The following TMPRSS15 variants were observed in gnomAD, a reference collection of about 807,000 sequenced individuals.
The protein encoded by TMPRSS15 is enteropeptidase.
A neutral mutation model predicts 125.3 loss-of-function variants in TMPRSS15; 128 were observed. The ratio of observed to expected loss-of-function variants is 1.02; its 90% CI spans 0.89 to 1.18. TMPRSS15 has a LOEUF of 1.18. Ranked by LOEUF, TMPRSS15 falls within the 50% of genes most tolerant of loss-of-function variation. TMPRSS15 has a pLI of 0.00. For synonymous variants in TMPRSS15, 446 were observed against 423.2 expected (o/e 1.05, Z -0.66); for missense variants, 1,283 against 1,212.7 (o/e 1.06, Z -0.86).
At chr21:18,297,967 T>C in intron 18 of TMPRSS15, 138 bp from the exon 19 acceptor site, 4 of 631,770 alleles carry the variant, frequency 6.3e-6, no homozygotes, top group Non-Finnish European at 1.1e-5. Flanking sequence ...CGTTTTAATA[T>C]AAAACTTCAT....
chr21:18,428,125 TCTGCA>T (rs1222448923), intron 1 of TMPRSS15, among the ~76,000 whole-genome samples: 1 of 152,238 alleles, frequency 6.6e-6, no homozygotes, highest in African/African-American at 2.4e-5. Flanking sequence ...AATTAAAAAT[TCTGCA>T]AGATATGAAG....
At chr21:18,441,471 T>A (rs1161055086) in intron 1 of TMPRSS15, among the ~76,000 whole-genome samples, 1 of 150,026 alleles carries the variant, frequency 6.7e-6, no homozygotes, top group African/African-American at 2.5e-5. Flanking sequence ...CTGGGTGTGG[T>A]GGTGTGCACC....
rs941547980 is a variant in TMPRSS15, at chr21:18,343,869, C to T, written c.1277+86G>A. ...TATGCATTAAAACTTTAGCCAACAT[C>T]TTAGTGAAATATGAGCCTGGTGGCC... On this transcript the variant is annotated intron_variant, in intron 11 of 24. Coordinates refer to ENST00000284885, the MANE Select transcript of TMPRSS15 (RefSeq NM_002772.3). 82 of 1,343,368 alleles carry T rather than the reference C, an allele frequency of 6.1e-5. No homozygotes were observed. In the African/African-American group the frequency reaches 1.1e-3, roughly 18 times the overall value. 83.2% of individuals were successfully genotyped at this position (1,343,368 alleles called of 1,614,324 possible). A position where few individuals can be genotyped will look rare whatever the true frequency, so the allele number is the denominator to read the frequency against.
At chr21:18,364,582 C>A (rs546428425) in intron 7 of TMPRSS15, among the ~76,000 whole-genome samples, 53 of 152,130 alleles carry the variant, frequency 3.5e-4, no homozygotes, top group African/African-American at 1.3e-3. Context: ...CTATCAGCAG[C>A]CTAATTATTT....
chr21:18,339,081 A>G (rs1257354280), intron 13 of TMPRSS15, among the ~76,000 whole-genome samples: 1 of 151,996 alleles, frequency 6.6e-6, no homozygotes, highest in Non-Finnish European at 1.5e-5. Flanking sequence ...ATTGCTTCAA[A>G]TATTTATTTA....
intron 1 of TMPRSS15, among the ~76,000 whole-genome samples, chr21:18,421,659 CT>C (rs2076192164): frequency 6.6e-6 from 1 of 151,964 alleles, no homozygotes; most frequent in African/African-American, 2.4e-5. Flanking sequence ...ATTTCTATTC[CT>C]TTGTTTGAGG....
intron 13 of TMPRSS15, among the ~76,000 whole-genome samples, chr21:18,333,766 G>A (rs1047012257): frequency 6.6e-6 from 1 of 152,052 alleles, no homozygotes; most frequent in Admixed American, 6.6e-5. Flanking sequence ...CCAGCTCAGA[G>A]TCTGACACTT....
chr21:18,304,275 G>T (rs553165790), intron 18 of TMPRSS15, among the ~76,000 whole-genome samples: 1 of 152,202 alleles, frequency 6.6e-6, no homozygotes, highest in Non-Finnish European at 1.5e-5. Flanking sequence ...GTGTGTGTGT[G>T]TATCTTTATT....
At chr21:18,340,107 G>A (rs2075432243) in intron 13 of TMPRSS15, among the ~76,000 whole-genome samples, 1 of 152,182 alleles carries the variant, frequency 6.6e-6, no homozygotes, top group Admixed American at 6.5e-5. Flanking sequence ...TTGTTCCTGG[G>A]TGTGTCTATG....
rs1214608379 is a variant in TMPRSS15 at position 18,269,364 on chromosome 21, A to AACTT, written c.*601_*604dup. 1.1e-4 allele frequency: 16 copies of AACTT among 152,356 alleles called. No homozygotes were observed. Among genetic ancestry groups the AACTT allele is most frequent in the African/African-American group, 3.4e-4 (14 of 41,586 alleles). 9.4% of individuals were successfully genotyped at this position (152,356 alleles called of 1,614,324 possible). A position where few individuals can be genotyped will look rare whatever the true frequency, so the allele number is the denominator to read the frequency against. On this transcript the variant is annotated 3_prime_UTR_variant, in exon 25 of 25. Transcript: ENST00000284885. ...CAGTTAATTTATCTTTTATTTAATT[A>AACTT]ACTTATTTAAGAGGAACGTAAAATC... is the stretch of plus-strand genomic sequence containing the variant.
intron 7 of TMPRSS15, among the ~76,000 whole-genome samples, chr21:18,363,671 C>G (rs1213701377): frequency 6.6e-6 from 1 of 151,982 alleles, no homozygotes; most frequent in Non-Finnish European, 1.5e-5. Context: ...ATGACCAATG[C>G]TAATAGACAT....
chr21:18,444,296 C>T lies in TMPRSS15; in HGVS notation c.10+41503G>A, dbSNP rs551355560. ...TGTATATGTACATCACGGAATACTA[C>T]ATAACCATAAAAAAGGATTATTTCG... On this transcript the variant is annotated intron_variant, in intron 1 of 7. Coordinates refer to the TMPRSS15 transcript ENST00000422787. Among the ~76,000 whole-genome samples, 4 of 152,268 alleles carry T rather than the reference C, an allele frequency of 2.6e-5. No individual in the cohort carries two copies. The South Asian group carries it at 6.2e-4, about 24-fold the overall frequency.
chr21:18,483,390 T>G (rs1242373022), intron 1 of TMPRSS15, among the ~76,000 whole-genome samples: 1 of 151,852 alleles, frequency 6.6e-6, no homozygotes, highest in Admixed American at 6.6e-5. Flanking sequence ...AGCAACTGCT[T>G]GTGATTCAGC....
At chr21:18,382,441 CTCAA>C (rs546961954) in intron 4 of TMPRSS15, among the ~76,000 whole-genome samples, 118 of 152,176 alleles carry the variant, frequency 7.8e-4, no homozygotes, top group Admixed American at 3.1e-3. Context: ...TTGCAGGAGA[CTCAA>C]TCAAAGAGGA....
At chr21:18,352,842 C>T in intron 10 of TMPRSS15, 61 bp downstream of exon 10, 1 of 1,560,232 alleles carries the variant, frequency 6.4e-7, no homozygotes, top group Non-Finnish European at 8.8e-7. Flanking sequence ...ACAACACATA[C>T]CTCTTTCCTT....
intron 1 of TMPRSS15, among the ~76,000 whole-genome samples, chr21:18,399,091 C>A (rs1208036801): frequency 6.6e-6 from 1 of 152,022 alleles, no homozygotes; most frequent in East Asian, 1.9e-4. Flanking sequence ...TGAATTGCTT[C>A]AACTGAAACT....
At chr21:18,479,140 G>T (rs903133108) in intron 1 of TMPRSS15, among the ~76,000 whole-genome samples, 1 of 151,970 alleles carries the variant, frequency 6.6e-6, no homozygotes, top group South Asian at 2.1e-4. Context: ...GATTTGGAAT[G>T]CTCAATCTGT....
intron 1 of TMPRSS15, among the ~76,000 whole-genome samples, chr21:18,447,025 T>C (rs2076257156): frequency 1.3e-5 from 2 of 152,190 alleles, no homozygotes; most frequent in South Asian, 4.1e-4. Context: ...CTATTTGCAA[T>C]CTGTACAACT....
At chr21:18,479,978 G>A (rs1978950743) in intron 1 of TMPRSS15, among the ~76,000 whole-genome samples, 1 of 152,094 alleles carries the variant, frequency 6.6e-6, no homozygotes, top group Non-Finnish European at 1.5e-5. Flanking sequence ...GCAAAGACTT[G>A]GAACCAACCC....
Sources: gnomAD v4.1 joint callset for allele counts (sites outside exome capture counted in the v4.1 genomes callset) on GRCh38, gnomAD v4.1.1 for gene constraint, MANE v1.5 for transcripts, NCBI Gene and HGNC (gene_info 2026-07-23, HGNC 2026-07-21) for gene names.